Variants in RAB33A observed in about 807,000 individuals in gnomAD.
The protein encoded by RAB33A is RAB33A, member RAS oncogene family.
Under a neutral mutation model 12.0 loss-of-function variants are expected in RAB33A, and 6 were observed. That is an observed-to-expected ratio of 0.50 (90% confidence interval 0.27 to 0.99). The LOEUF (loss-of-function observed/expected upper bound fraction) is 0.99, where lower values mean the gene tolerates loss of function less well. Ranked by LOEUF, RAB33A falls within the 50% of genes least tolerant of loss-of-function variation. The probability of loss-of-function intolerance (pLI) is 0.11; values close to 1 mark genes in which losing one functional copy is unlikely to be tolerated. For synonymous variants in RAB33A, 70 were observed against 82.4 expected (o/e 0.85, Z 0.81); for missense variants, 109 against 192.0 (o/e 0.57, Z 2.55).
At chrX:130,136,174 G>T in the RAB33A span, 1 of 1,211,873 alleles carries the variant, frequency 8.3e-7, no homozygotes. Context: ...CCACTATGTG[G>T]TCAGTTTCTA....
chrX:130,137,506 G>A, the RAB33A span: 1 of 1,165,612 alleles, frequency 8.6e-7, no homozygotes, highest in Admixed American at 2.6e-5. Flanking sequence ...CTCCTGAAAA[G>A]ATGCCCTGAT....
At chrX:130,120,122 G>T in the RAB33A span, among the ~76,000 whole-genome samples, 5 of 112,272 alleles carry the variant, frequency 4.5e-5, no homozygotes, top group Non-Finnish European at 9.4e-5. Flanking sequence ...ATGGCTTCTA[G>T]AGCTCAGGGC....
upstream of RAB33A, chrX:130,171,616 A>AC: frequency 7.4e-6 from 1 of 135,070 alleles, no homozygotes; most frequent in East Asian, 2.2e-4. Flanking sequence ...CGCTGTCCCC[A>AC]CCCCGTCTCT....
chrX:130,138,759 A>T, the RAB33A span: 1 of 812,121 alleles, frequency 1.2e-6, no homozygotes. Context: ...GGATAATAAT[A>T]CTAGAAAGTA....
At chrX:130,118,608 G>C in the RAB33A span, among the ~76,000 whole-genome samples, 1 of 112,457 alleles carries the variant, frequency 8.9e-6, no homozygotes, top group Admixed American at 9.4e-5. Context: ...TTCACGGAAT[G>C]TCTAGGCCCC....
the RAB33A span, chrX:130,130,154 C>T: frequency 5.8e-6 from 7 of 1,209,946 alleles, no homozygotes; most frequent in South Asian, 1.8e-5. Flanking sequence ...ACTCTCTGAT[C>T]GGATACCAGT....
At chrX:130,125,121 G>C in the RAB33A span, among the ~76,000 whole-genome samples, 1 of 111,971 alleles carries the variant, frequency 8.9e-6, no homozygotes, top group African/African-American at 3.3e-5. Flanking sequence ...ATGTTCAGCA[G>C]AACACCCAGA....
chrX:130,173,175 C>T, intron 1 of RAB33A, among the ~76,000 whole-genome samples: 1 of 112,065 alleles, frequency 8.9e-6, no homozygotes, highest in South Asian at 3.7e-4. Flanking sequence ...TTGTGCTCAC[C>T]TTTAATTCAG....
At chrX:130,144,191 A>T in the RAB33A span, among the ~76,000 whole-genome samples, 1 of 111,178 alleles carries the variant, frequency 9.0e-6, no homozygotes, top group South Asian at 3.8e-4. Context: ...CATCATCATC[A>T]TACCACTACT....
chrX:130,174,344 C>T (rs2031642090), intron 1 of RAB33A, among the ~76,000 whole-genome samples: 1 of 111,840 alleles, frequency 8.9e-6, no homozygotes, highest in African/African-American at 3.3e-5. Context: ...CCTCTGAGGG[C>T]AGATTCCAAA....
Position 130,172,071 on chromosome X carries a change from G to T in RAB33A, c.9G>T (p.Gln3His). 1.7e-6 allele frequency: 2 copies of T among 1,208,108 alleles called. No individual in the cohort carries two copies. Among genetic ancestry groups the T allele is most frequent in the Non-Finnish European group, 2.2e-6 (2 of 893,718 alleles). Residue 3 changes from glutamine (Q) to histidine (H), a missense_variant, in exon 1 of 2, where the codon CAG (glutamine) becomes CAT (histidine). By Grantham distance (24) the Gln-to-His change is conservative. Coordinates refer to ENST00000257017, the MANE Select transcript of RAB33A (RefSeq NM_004794.3). MA[Q>H]PILGHGSLQP... ...GGTTCGGTCCGGGGGAGATGGCGCA[G>T]CCCATCCTGGGCCATGGGAGCCTGC...
At chrX:130,131,668 T>G in the RAB33A span, 1 of 1,211,926 alleles carries the variant, frequency 8.3e-7, no homozygotes, top group Non-Finnish European at 1.1e-6. Context: ...TGCTAGGACT[T>G]TCTTACCTGA....
upstream of RAB33A, chrX:130,171,736 G>T (rs927746269): frequency 3.7e-6 from 1 of 271,333 alleles, no homozygotes; most frequent in Admixed American, 6.1e-5. Context: ...CTTCGCCAGA[G>T]CATCCGGTCC....
intron 1 of RAB33A, among the ~76,000 whole-genome samples, chrX:130,175,963 C>G (rs1000813767): frequency 8.9e-6 from 1 of 111,811 alleles, no homozygotes; most frequent in African/African-American, 3.3e-5. Flanking sequence ...GCCTAGAACT[C>G]ATGTCTCCTA....
chrX:130,159,941 C>T, the RAB33A span, among the ~76,000 whole-genome samples: 29 of 110,294 alleles, frequency 2.6e-4, no homozygotes, highest in East Asian at 2.8e-4. Context: ...CAGCCTCAGC[C>T]TCCTGTGTAG....
the RAB33A span, among the ~76,000 whole-genome samples, chrX:130,165,109 C>T: frequency 9.1e-6 from 1 of 110,308 alleles, no homozygotes; most frequent in Non-Finnish European, 1.9e-5. Flanking sequence ...ATCCATGGAT[C>T]TCATCTGTGG....
At chrX:130,117,409 G>A in the RAB33A span, among the ~76,000 whole-genome samples, 2 of 111,504 alleles carry the variant, frequency 1.8e-5, no homozygotes, top group African/African-American at 3.3e-5. Flanking sequence ...CACCCTGAGC[G>A]TGGTGGCTGC....
At chrX:130,138,690 A>G in the RAB33A span, 1 of 1,193,989 alleles carries the variant, frequency 8.4e-7, no homozygotes. Context: ...CCAAGCTTCT[A>G]AAGTCTCCAA....
the RAB33A span, among the ~76,000 whole-genome samples, chrX:130,113,956 C>T: frequency 8.9e-6 from 1 of 111,988 alleles, no homozygotes; most frequent in African/African-American, 3.2e-5. Context: ...GTGTCTGGTG[C>T]CCAGTAAGTC....
Sources: gnomAD v4.1 joint callset for allele counts (sites outside exome capture counted in the v4.1 genomes callset) on GRCh38, gnomAD v4.1.1 for gene constraint, MANE v1.5 for transcripts, NCBI Gene and HGNC (gene_info 2026-07-23, HGNC 2026-07-21) for gene names.